Variants in CTIF observed in about 807,000 individuals in gnomAD.
The protein encoded by CTIF is cap binding complex dependent translation initiation factor, also known as CBP80/20-dependent translation initiation factor.
A neutral mutation model predicts 66.0 loss-of-function variants in CTIF; 21 were observed. That is an observed-to-expected ratio of 0.32 (90% CI 0.23 to 0.46). CTIF has a LOEUF of 0.46. CTIF is among the 20% of genes least tolerant of loss of function. The pLI is 1.00. For missense variants in CTIF, 739 were observed against 812.7 expected (o/e 0.91, Z 1.10); for synonymous variants, 345 against 326.4 (o/e 1.06, Z -0.62).
chr18:48,663,536 C>A (rs2091381706), intron 3 of CTIF, among the ~76,000 whole-genome samples: 1 of 152,018 alleles, frequency 6.6e-6, no homozygotes, highest in African/African-American at 2.4e-5. Flanking sequence ...CTGGACCCTT[C>A]TGTATACATC....
intron 7 of CTIF, among the ~76,000 whole-genome samples, chr18:48,744,219 G>T (rs532293813): frequency 6.6e-6 from 1 of 152,164 alleles, no homozygotes; most frequent in African/African-American, 2.4e-5. Context: ...CCCTGGTAGC[G>T]CCATCCTACG....
chr18:48,705,660 G>A (rs563827857), intron 6 of CTIF, among the ~76,000 whole-genome samples: 2 of 152,334 alleles, frequency 1.3e-5, no homozygotes, highest in East Asian at 1.9e-4. Flanking sequence ...AACGGTCCTC[G>A]GAATGCCAGG....
At chr18:48,541,395 T>G (rs538756225) in intron 1 of CTIF, among the ~76,000 whole-genome samples, 2 of 152,316 alleles carry the variant, frequency 1.3e-5, no homozygotes, top group African/African-American at 2.4e-5. Flanking sequence ...CCGCCGCTGC[T>G]GGAGCCAGGG....
Position 48,582,135 on chromosome 18 carries a change from G to A in CTIF, c.-28-37403G>A, listed in dbSNP as rs957077696. On this transcript the variant is annotated intron_variant, in intron 1 of 11. Coordinates refer to ENST00000256413, the MANE Select transcript of CTIF (RefSeq NM_014772.3). ...TGTGGGGGCTGGGTACCCTGAGAGT[G>A]TGGTGCTGTAATCACCCTCTGGCCA... Among the ~76,000 whole-genome samples the A allele has an allele frequency of 3.3e-5, 5 of 152,194 alleles. No individual in the cohort carries two copies. The East Asian group carries it at 5.8e-4, about 18-fold the overall frequency.
intron 3 of CTIF, among the ~76,000 whole-genome samples, chr18:48,641,023 T>G (rs1001767705): frequency 2.6e-5 from 4 of 152,162 alleles, no homozygotes; most frequent in African/African-American, 9.6e-5. Flanking sequence ...TCAGCTGTAT[T>G]TGGGATTGCC....
chr18:48,811,556 C>T (rs956430318), intron 9 of CTIF, among the ~76,000 whole-genome samples: 1 of 152,126 alleles, frequency 6.6e-6, no homozygotes, highest in Non-Finnish European at 1.5e-5. Context: ...CCTATTAACC[C>T]CCCATGTCCC....
chr18:48,593,163 T>C (rs1243580712), intron 1 of CTIF, among the ~76,000 whole-genome samples: 1 of 152,104 alleles, frequency 6.6e-6, no homozygotes, highest in Non-Finnish European at 1.5e-5. Context: ...TTCCCTCTGG[T>C]CAGTGTACAG....
At chr18:48,784,877 C>A (rs911545247) in intron 9 of CTIF, among the ~76,000 whole-genome samples, 2 of 152,206 alleles carry the variant, frequency 1.3e-5, no homozygotes, top group Admixed American at 1.3e-4. Context: ...GTGAATAACT[C>A]CTCTCACACA....
chr18:48,574,745 A>C (rs1442161366), intron 1 of CTIF, among the ~76,000 whole-genome samples: 1 of 151,540 alleles, frequency 6.6e-6, no homozygotes, highest in Non-Finnish European at 1.5e-5. Context: ...TGTGGCGACT[A>C]TCTCGTCCCC....
intron 5 of CTIF, 126 bp downstream of exon 5, chr18:48,664,677 C>T: frequency 1.4e-6 from 1 of 736,300 alleles, no homozygotes; most frequent in South Asian, 1.7e-5. Flanking sequence ...GGATGCTCTT[C>T]TTATGCGTCC....
intron 8 of CTIF, among the ~76,000 whole-genome samples, chr18:48,758,957 C>G (rs1355781355): frequency 6.6e-6 from 1 of 152,150 alleles, no homozygotes; most frequent in African/African-American, 2.4e-5. Flanking sequence ...CTCTACAGTG[C>G]ACACCGTAAG....
chr18:48,629,099 A>G (rs1409090251), intron 2 of CTIF, among the ~76,000 whole-genome samples: 1 of 152,192 alleles, frequency 6.6e-6, no homozygotes, highest in African/African-American at 2.4e-5. Context: ...CTTCAGGGAA[A>G]TGAAGGCATT....
intron 6 of CTIF, among the ~76,000 whole-genome samples, chr18:48,678,645 G>T (rs564841650): frequency 3.6e-4 from 54 of 149,838 alleles, no homozygotes; most frequent in African/African-American, 1.3e-3. Context: ...ACTTTTGTTG[G>T]TGACAACTGG....
chr18:48,839,610 C>T (rs1354221657), intron 10 of CTIF, among the ~76,000 whole-genome samples: 1 of 152,192 alleles, frequency 6.6e-6, no homozygotes, highest in Non-Finnish European at 1.5e-5. Context: ...CACAACATGA[C>T]TGGTGGGGCG....
chr18:48,678,817 C>T (rs1488209899), intron 6 of CTIF, among the ~76,000 whole-genome samples: 1 of 152,154 alleles, frequency 6.6e-6, no homozygotes, highest in Non-Finnish European at 1.5e-5. Context: ...CTGGGCAAGT[C>T]TGCCCACCCT....
intron 9 of CTIF, among the ~76,000 whole-genome samples, chr18:48,812,504 T>A (rs1489008538): frequency 6.6e-6 from 1 of 152,182 alleles, no homozygotes; most frequent in East Asian, 1.9e-4. Flanking sequence ...CTGTCTTTTG[T>A]TCCTTCGTAG....
intron 3 of CTIF, among the ~76,000 whole-genome samples, chr18:48,655,164 G>A (rs2091224920): frequency 6.6e-6 from 1 of 151,636 alleles, no homozygotes; most frequent in Non-Finnish European, 1.5e-5. Flanking sequence ...AATTTGCTGG[G>A]TATGGTGGCT....
At chr18:48,555,655 T>C (rs1433944728) in intron 1 of CTIF, among the ~76,000 whole-genome samples, 4 of 152,250 alleles carry the variant, frequency 2.6e-5, no homozygotes, top group Non-Finnish European at 5.9e-5. Flanking sequence ...ATTTCTTTTT[T>C]GCTCAGGAAG....
chr18:48,741,817 G>A (rs918088141), intron 7 of CTIF, among the ~76,000 whole-genome samples: 6 of 152,188 alleles, frequency 3.9e-5, no homozygotes, highest in South Asian at 4.1e-4. Context: ...CTGTCCTCTC[G>A]TCATCTTCAT....
Sources: allele counts gnomAD v4.1 joint callset (sites outside exome capture counted in the v4.1 genomes callset), GRCh38; gene constraint gnomAD v4.1.1; transcripts MANE v1.5; gene names NCBI Gene and HGNC (gene_info 2026-07-23, HGNC 2026-07-21).